Variants in GAS7 observed in about 807,000 individuals in gnomAD.
GAS7 encodes the protein growth arrest-specific protein 7.
GAS7 carries 28 observed loss-of-function variants against 71.1 expected under a neutral mutation model. That is an observed-to-expected ratio of 0.39 (90% CI 0.29 to 0.54). The LOEUF is 0.54. GAS7 is among the 20% of genes least tolerant of loss of function. GAS7 has a pLI of 0.62. For missense variants in GAS7, 436 were observed against 627.8 expected (o/e 0.69, Z 3.27); for synonymous variants, 258 against 245.8 (o/e 1.05, Z -0.46).
In GAS7 at chr17:10,052,614, T is replaced by C. The variant is rs929112375; in HGVS notation, c.184-32717A>G. 4.6e-5 allele frequency among the ~76,000 whole-genome samples: 7 copies of C among 152,122 alleles called. No homozygotes were observed. In the East Asian group the frequency reaches 9.6e-4, roughly 21 times the overall value. On this transcript the variant is annotated intron_variant, in intron 1 of 13. Transcript: ENST00000432992. ...CCAGAAGGCACCCCCTGCCCACCCA[T>C]GCAAAGCAAGTAAGCGGCACAGGCT...
At chr17:9,920,182 A>AGCGTGTGTGTGTGTGTGTGT (rs112208548) in intron 11 of GAS7, among the ~76,000 whole-genome samples, 2 of 141,050 alleles carry the variant, frequency 1.4e-5, no homozygotes, top group African/African-American at 5.0e-5. Flanking sequence ...AGATCATGTA[A>AGCGTGTGTGTGTGTGTGTGT]GTGTGTGTGT....
At chr17:9,942,701 A>C (rs1296549636) in intron 7 of GAS7, among the ~76,000 whole-genome samples, 1 of 152,128 alleles carries the variant, frequency 6.6e-6, no homozygotes, top group African/African-American at 2.4e-5. Context: ...ACATAAGTAA[A>C]GGAGTGAAGG....
chr17:10,113,236 A>G (rs1337292004), intron 1 of GAS7, among the ~76,000 whole-genome samples: 1 of 152,246 alleles, frequency 6.6e-6, no homozygotes, highest in Non-Finnish European at 1.5e-5. Context: ...CGCTGCTAGC[A>G]GAAGTGTAAG....
At chr17:10,168,104 C>A (rs1420007563) in intron 1 of GAS7, among the ~76,000 whole-genome samples, 2 of 152,242 alleles carry the variant, frequency 1.3e-5, no homozygotes, top group Admixed American at 1.3e-4. Flanking sequence ...CAATTCTTTG[C>A]CATGGTACTT....
chr17:10,158,383 G>A (rs181744782), intron 1 of GAS7, among the ~76,000 whole-genome samples: 2 of 148,940 alleles, frequency 1.3e-5, no homozygotes, highest in South Asian at 2.1e-4. Context: ...CAGGGGGCTC[G>A]CATCTGTAAT....
At chr17:10,067,794 C>T (rs1041096540) in intron 1 of GAS7, among the ~76,000 whole-genome samples, 3 of 152,172 alleles carry the variant, frequency 2.0e-5, no homozygotes, top group Non-Finnish European at 4.4e-5. Flanking sequence ...TGGGCCTGAT[C>T]GGAGACCATC....
intron 1 of GAS7, among the ~76,000 whole-genome samples, chr17:10,154,615 C>A (rs114177250): frequency 0.011 from 1,668 of 152,190 alleles, 16 homozygotes; most frequent in African/African-American, 0.025. Flanking sequence ...GAGTTTGAGA[C>A]CAGCCAGGGC....
chr17:9,991,970 T>A (rs1198184684), intron 2 of GAS7, among the ~76,000 whole-genome samples: 1 of 152,184 alleles, frequency 6.6e-6, no homozygotes, highest in Non-Finnish European at 1.5e-5. Flanking sequence ...CCAATCCAGT[T>A]ACTCACCAGA....
At chr17:10,071,895 C>T (rs1459825497) in intron 1 of GAS7, among the ~76,000 whole-genome samples, 1 of 150,484 alleles carries the variant, frequency 6.6e-6, no homozygotes. Context: ...CAAGATCGCA[C>T]CACTGAACTC....
chr17:10,056,778 C>CTCTCCCTCTCTTTCCACGG (rs1336198133), intron 1 of GAS7, among the ~76,000 whole-genome samples: 8 of 150,904 alleles, frequency 5.3e-5, no homozygotes, highest in Non-Finnish European at 7.4e-5. Context: ...CACGATCTCC[C>CTCTCCCTCTCTTTCCACGG]TCTCCCTCTC....
rs2074557660 is a variant in GAS7 at position 10,198,461 on chromosome 17, C to T, written c.-71G>A. 1.6e-6 allele frequency: 2 copies of T among 1,213,730 alleles called. No individual in the cohort carries two copies. The highest frequency in any genetic ancestry group is 1.1e-6 in the Non-Finnish European group (1 of 932,484). 75.2% of individuals were successfully genotyped at this position (1,213,730 alleles called of 1,614,324 possible). On this transcript the variant is annotated 5_prime_UTR_variant, in exon 1 of 14. Coordinates refer to ENST00000432992, the MANE Select transcript of GAS7 (RefSeq NM_201433.2). ...CCCCACGGGCTGGGCAGCGGCTCCG[C>T]GGGGTCCCAGGCGCCCGGCGCTCCG...
intron 1 of GAS7, among the ~76,000 whole-genome samples, chr17:10,175,265 T>TTTTTTTTTTTTTTTTTTTTTTTTTTGAGA (rs1463849105): frequency 1.3e-5 from 2 of 151,448 alleles, no homozygotes; most frequent in African/African-American, 4.9e-5. Flanking sequence ...CTATGTTTTT[T>TTTTTTTTTTTTTTTTTTTTTTTTTTGAGA]CAAGGTTTTG....
chr17:10,177,064 T>C (rs8081398), intron 1 of GAS7, among the ~76,000 whole-genome samples: 13,718 of 152,096 alleles, frequency 0.09, 869 homozygotes, highest in East Asian at 0.33. Context: ...CAGAGTGTAA[T>C]GGAGGAAACA....
At chr17:10,059,951 G>T in intron 1 of GAS7, 2 of 313,390 alleles carry the variant, frequency 6.4e-6, no homozygotes, top group Non-Finnish European at 9.3e-6. Flanking sequence ...GGGCAGCTGG[G>T]CCCTTTCCCC....
intron 7 of GAS7, 54 bp downstream of exon 7, chr17:9,943,067 G>GC (rs1358265011): frequency 1.7e-6 from 2 of 1,184,460 alleles, no homozygotes; most frequent in Admixed American, 1.7e-5. Context: ...CGGCCACGGG[G>GC]CCCCGGGGAA....
rs2073598038 is a variant in GAS7, at chr17:10,092,785, C to T, written c.184-72888G>A. On this transcript the variant is annotated intron_variant, in intron 1 of 13. Coordinates refer to ENST00000432992, the MANE Select transcript of GAS7 (RefSeq NM_201433.2). ...TCTCTTCCAGATTCTCTGGTAGCTG[C>T]CAGCATTCCTTGGCTTGTGGTTGCA... Among the ~76,000 whole-genome samples the T allele has an allele frequency of 2.0e-5, 3 of 152,224 alleles. No individual in the cohort carries two copies. In the South Asian group the frequency reaches 6.2e-4, roughly 32 times the overall value.
intron 2 of GAS7, among the ~76,000 whole-genome samples, chr17:10,006,490 C>T (rs889105313): frequency 6.6e-6 from 1 of 151,650 alleles, no homozygotes; most frequent in Non-Finnish European, 1.5e-5. Flanking sequence ...CCACCATGCC[C>T]GGCTAATTTT....
intron 1 of GAS7, among the ~76,000 whole-genome samples, chr17:10,138,691 C>T (rs867837317): frequency 8.1e-4 from 123 of 151,994 alleles, no homozygotes; most frequent in African/African-American, 2.8e-3. Flanking sequence ...CGCTTGAACC[C>T]GGGAGGTGGA....
chr17:10,060,124 A>C (rs544495319), intron 1 of GAS7, among the ~76,000 whole-genome samples: 48 of 152,294 alleles, frequency 3.2e-4, no homozygotes, highest in African/African-American at 1.1e-3. Flanking sequence ...GAGTGTGATA[A>C]TCCAACCAGG....
Sources: allele counts gnomAD v4.1 joint callset (sites outside exome capture counted in the v4.1 genomes callset), GRCh38; gene constraint gnomAD v4.1.1; transcripts MANE v1.5; gene names NCBI Gene and HGNC (gene_info 2026-07-23, HGNC 2026-07-21).